STAU2: variants seen among roughly 807,000 people sequenced by gnomAD.
STAU2 encodes double-stranded RNA-binding protein Staufen homolog 2.
A neutral mutation model predicts 65.9 loss-of-function variants in STAU2; 20 were observed. That is an observed-to-expected ratio of 0.30 (90% confidence interval 0.21 to 0.44). STAU2 has a LOEUF of 0.44. Ranked by LOEUF, STAU2 falls within the 20% of genes least tolerant of loss-of-function variation. The pLI is 1.00. For missense variants in STAU2, 558 were observed against 683.9 expected, an observed-to-expected ratio of 0.82 and a Z score of 2.05; for synonymous variants, 232 against 233.9, an observed-to-expected ratio of 0.99 and a Z score of 0.07.
chr8:73,609,792 G>A (rs188496694), intron 9 of STAU2, among the ~76,000 whole-genome samples: 2 of 152,322 alleles, frequency 1.3e-5, no homozygotes, highest in East Asian at 3.9e-4. Context: ...AGCACTAGAA[G>A]TAGTATGCCC....
At chr8:73,483,128 T>A (rs1820727026) in intron 13 of STAU2, among the ~76,000 whole-genome samples, 2 of 152,108 alleles carry the variant, frequency 1.3e-5, no homozygotes, top group African/African-American at 2.4e-5. Context: ...TCCTCTGGTC[T>A]CTAGTAGCAT....
At chr8:73,447,928 C>T (rs1329998752) in intron 13 of STAU2, among the ~76,000 whole-genome samples, 1 of 152,254 alleles carries the variant, frequency 6.6e-6, no homozygotes, top group Non-Finnish European at 1.5e-5. Flanking sequence ...TCAAGACACA[C>T]CGGGACATTC....
intron 6 of STAU2, among the ~76,000 whole-genome samples, chr8:73,620,951 T>C (rs996961634): frequency 6.6e-6 from 1 of 152,206 alleles, no homozygotes; most frequent in African/African-American, 2.4e-5. Flanking sequence ...AGAATGGTTT[T>C]TGTGTGATAG....
chr8:73,569,572 T>A (rs1030415338), intron 12 of STAU2, among the ~76,000 whole-genome samples: 2 of 151,442 alleles, frequency 1.3e-5, no homozygotes, highest in Admixed American at 1.3e-4. Flanking sequence ...AGGGGCTGAC[T>A]GACACCTCAT....
At chr8:73,652,734 A>C (rs1217157916) in intron 6 of STAU2, 1 of 151,974 alleles carries the variant, frequency 6.6e-6, no homozygotes, top group Non-Finnish European at 1.5e-5. Context: ...CAAAAAAAAA[A>C]AAAAACTGTT....
At chr8:73,493,697 T>C (rs976450676) in intron 13 of STAU2, among the ~76,000 whole-genome samples, 2 of 151,694 alleles carry the variant, frequency 1.3e-5, no homozygotes, top group Non-Finnish European at 3.0e-5. Context: ...TGGTGTCTTA[T>C]ACAAAACACA....
intron 12 of STAU2, among the ~76,000 whole-genome samples, chr8:73,580,950 G>A (rs371834418): frequency 7.2e-5 from 11 of 152,226 alleles, no homozygotes; most frequent in South Asian, 4.1e-4. Context: ...AGCATTAACC[G>A]TCTGGTTAAG....
Position 73,563,331 on chromosome 8 carries a change from G to A in STAU2, c.1223-11012C>T, listed in dbSNP as rs569434706. Among the ~76,000 whole-genome samples the A allele has an allele frequency of 2.2e-3, 341 of 152,238 alleles. 3 individuals carry two copies. Among genetic ancestry groups the A allele is most frequent in the African/African-American group, 7.1e-3 (296 of 41,534 alleles). The stretch of plus-strand genomic sequence containing the variant: ...CAGTAATAGGATGCCCCCCACCTCC[G>A]TGCTGGAGTGGTGTCAGGAGAGAAT... On this transcript the variant is annotated intron_variant, in intron 12 of 14. Coordinates refer to ENST00000524300, the MANE Select transcript of STAU2 (RefSeq NM_001164380.2).
chr8:73,590,535 C>T (rs1036849240), intron 11 of STAU2: 5 of 152,068 alleles, frequency 3.3e-5, no homozygotes, highest in East Asian at 1.9e-4. Flanking sequence ...GAAAAAATAA[C>T]GTGAAATTTT....
At position 73,582,647 on chromosome 8, in the gene STAU2, G is replaced by A. The variant is rs139677417; in HGVS notation, c.1222+123C>T. 6,567 of 813,570 alleles carry A rather than the reference G, an allele frequency of 8.1e-3. 60 individuals are homozygous for A. Among genetic ancestry groups the A allele is most frequent in the Non-Finnish European group, 9.8e-3 (4,850 of 495,308 alleles). The allele number at this position is 813,570 out of a possible 1,614,324, so 50.4% of individuals were successfully genotyped here. ...GGAAAGCAAACACCAGGACTCCTTT[G>A]TACCCTCCAAAATACTTAACACAGC... On this transcript the variant is annotated intron_variant, in intron 12 of 14. Coordinates refer to ENST00000524300, the MANE Select transcript of STAU2 (RefSeq NM_001164380.2).
chr8:73,598,922 C>T (rs1473735526), intron 10 of STAU2, among the ~76,000 whole-genome samples: 1 of 152,148 alleles, frequency 6.6e-6, no homozygotes, highest in East Asian at 1.9e-4. Flanking sequence ...AAATCAAATA[C>T]CTATGATGTG....
chr8:73,571,638 T>C (rs80108587), intron 12 of STAU2, among the ~76,000 whole-genome samples: 1 of 152,126 alleles, frequency 6.6e-6, no homozygotes, highest in South Asian at 2.1e-4. Flanking sequence ...AACCTGCTGC[T>C]GAATGACTAC....
chr8:73,659,418 T>C (rs1816658042), intron 6 of STAU2, among the ~76,000 whole-genome samples: 2 of 152,118 alleles, frequency 1.3e-5, no homozygotes, highest in African/African-American at 4.8e-5. Flanking sequence ...ATGCCTGTTG[T>C]CCCAGCTACT....
chr8:73,670,914 A>C (rs1053145735), intron 6 of STAU2, among the ~76,000 whole-genome samples: 8 of 152,176 alleles, frequency 5.3e-5, no homozygotes, highest in Non-Finnish European at 1.5e-5. Flanking sequence ...ACAGGATATT[A>C]AAAACAAATA....
intron 3 of STAU2, among the ~76,000 whole-genome samples, chr8:73,721,304 A>G (rs1210954667): frequency 6.7e-6 from 1 of 150,038 alleles, no homozygotes; most frequent in Non-Finnish European, 1.5e-5. Flanking sequence ...AAAAAAAAAA[A>G]AAAAAAAAAA....
chr8:73,552,370 G>C, intron 12 of STAU2, 51 bp from the exon 13 acceptor site: 4 of 1,481,890 alleles, frequency 2.7e-6, no homozygotes, highest in Non-Finnish European at 3.6e-6. Flanking sequence ...AACCGAAATA[G>C]AAACATAGCA....
chr8:73,688,167 T>G (rs2130520996), intron 5 of STAU2, among the ~76,000 whole-genome samples: 1 of 151,124 alleles, frequency 6.6e-6, no homozygotes, highest in East Asian at 2.0e-4. Context: ...TTCTTCATCC[T>G]CTCACCTTCA....
chr8:73,436,267 G>T (rs1221230707), intron 13 of STAU2, among the ~76,000 whole-genome samples: 5 of 151,624 alleles, frequency 3.3e-5, no homozygotes, highest in African/African-American at 7.3e-5. Context: ...ATAAAAGATG[G>T]TAAAGGCAGT....
At chr8:73,676,873 G>A (rs918837451) in intron 5 of STAU2, among the ~76,000 whole-genome samples, 9 of 152,310 alleles carry the variant, frequency 5.9e-5, no homozygotes, top group African/African-American at 2.2e-4. Context: ...TGGGATTACA[G>A]GTGTGAGCTA....
Sources: allele counts gnomAD v4.1 joint callset (sites outside exome capture counted in the v4.1 genomes callset), GRCh38; gene constraint gnomAD v4.1.1; transcripts MANE v1.5; gene names NCBI Gene and HGNC (gene_info 2026-07-23, HGNC 2026-07-21).